Variants in TRIP12 observed in about 807,000 individuals in gnomAD.
The protein encoded by TRIP12 is thyroid hormone receptor interactor 12, also known as E3 ubiquitin-protein ligase TRIP12.
A neutral mutation model predicts 244.2 loss-of-function variants in TRIP12; 25 were observed. The ratio of observed to expected loss-of-function variants is 0.10; its 90% confidence interval spans 0.07 to 0.14. The LOEUF (loss-of-function observed/expected upper bound fraction) is 0.14. TRIP12 is among the 10% of genes least tolerant of loss of function. The pLI, the probability that TRIP12 is intolerant of heterozygous loss-of-function variation, is 1.00. For missense variants in TRIP12, 1,677 were observed against 2,486.4 expected (o/e 0.67, Z 6.92); for synonymous variants, 905 against 873.1 (o/e 1.04, Z -0.64).
chr2:229,812,248 A>C (rs551647919), intron 13 of TRIP12, among the ~76,000 whole-genome samples: 1 of 151,860 alleles, frequency 6.6e-6, no homozygotes, highest in East Asian at 2.0e-4. Context: ...CACCCGGCTA[A>C]TTTTTTATTT....
intron 1 of TRIP12, chr2:229,894,294 A>C (rs567663473): frequency 6.6e-6 from 1 of 152,308 alleles, no homozygotes; most frequent in Non-Finnish European, 1.5e-5. Flanking sequence ...TCCAAACCCA[A>C]AATACTCAAG....
chr2:229,879,901 A>G, intron 2 of TRIP12, 81 bp downstream of exon 2: 1 of 1,480,794 alleles, frequency 6.8e-7, no homozygotes. Context: ...GAACCATTCA[A>G]GTTTTGGACC....
Position 229,768,650 on chromosome 2 carries a change from C to T in TRIP12, c.5973G>A (p.Gln1991=), listed in dbSNP as rs1304875369. The T allele has an allele frequency of 6.2e-7, 1 of 1,612,624 alleles. No individual in the cohort carries two copies. Among genetic ancestry groups the T allele is most frequent in the Admixed American group, 1.7e-5 (1 of 59,426 alleles). The change falls in exon 41 of 42, where the codon CAG becomes CAA. Residue 1991 remains glutamine, a synonymous_variant. Coordinates refer to ENST00000675903, the MANE Select transcript of TRIP12 (RefSeq NM_001348323.3). ...GCAATCTTGGGCTACCAGTCACAAA[C>T]TGGAGAAATAACCTCTGCTGCTCAT... ...FDNEQQRLFL[Q]FVTGSPRLPV...
At chr2:229,779,081 C>A (rs1236753302) in intron 34 of TRIP12, 91 bp from the exon 35 acceptor site, 1 of 1,020,560 alleles carries the variant, frequency 9.8e-7, no homozygotes, top group African/African-American at 1.6e-5. Flanking sequence ...CTAACAGCAA[C>A]TGTTTACCAG....
chr2:229,778,629 AAAAAC>A lies in TRIP12; in HGVS notation c.5210-47_5210-43del, dbSNP rs2037076940. On this transcript the variant is annotated intron_variant, in intron 35 of 41. Transcript: ENST00000675903. This position sits in a 1 kb window ranked among gnomAD's most constrained non-coding sequence, Gnocchi z 4.1. The stretch of plus-strand genomic sequence containing the variant: ...GCAGCAAACTTCAGATGATGTTTCC[AAAAAC>A]AAAACAAAACCTGGTAACTAAGAAC... 6.3e-7 allele frequency: 1 copy of A among 1,583,914 alleles called. No individual in the cohort carries two copies. The highest frequency in any genetic ancestry group is 1.9e-5 in the Admixed American group (1 of 52,954).
chr2:229,769,363 A>T (rs2033236163), intron 39 of TRIP12, 38 bp from the exon 40 acceptor site: 1 of 1,598,160 alleles, frequency 6.3e-7, no homozygotes, highest in Admixed American at 1.7e-5. Flanking sequence ...ATTACTAAGG[A>T]AACATTTGTT....
At chr2:229,872,104 T>TAAAAAA (rs34496202) in intron 2 of TRIP12, among the ~76,000 whole-genome samples, 66 of 105,248 alleles carry the variant, frequency 6.3e-4, no homozygotes, top group East Asian at 1.4e-3. Context: ...ACAGATATTG[T>TAAAAAA]AAAAAAAAAA....
chr2:229,806,537 A>G (rs1388187713), intron 17 of TRIP12, among the ~76,000 whole-genome samples: 2 of 152,240 alleles, frequency 1.3e-5, no homozygotes, highest in Non-Finnish European at 2.9e-5. Flanking sequence ...AATGGAAGAC[A>G]AGACTCTCAG....
intron 17 of TRIP12, chr2:229,806,290 G>A (rs549471778): frequency 3.8e-4 from 58 of 154,060 alleles, no homozygotes; most frequent in Non-Finnish European, 7.1e-4. Context: ...AATTCTTAGC[G>A]ACCTACCAAA....
At chr2:229,768,030 G>A (rs1183382007) in intron 41 of TRIP12, among the ~76,000 whole-genome samples, 1 of 152,188 alleles carries the variant, frequency 6.6e-6, no homozygotes, top group African/African-American at 2.4e-5. Context: ...CTGGGAGGCC[G>A]AGGTGAGCCA....
chr2:229,789,742 A>G lies in TRIP12; in HGVS notation c.4564T>C (p.Ser1522Pro). The change falls in exon 31 of 42, where the codon TCA becomes CCA. Residue 1522 changes from serine to proline, a missense_variant. This residue lies in a region of TRIP12 where 265 missense variants were observed against 370.8 expected (regional missense o/e 0.71). Coordinates refer to ENST00000675903, the MANE Select transcript of TRIP12 (RefSeq NM_001348323.3). ...LWHDGVCPSV[S>P]NPLEVYLIPT... ...ATGAGGTAAACTTCTAAAGGATTTG[A>G]TACTGATGGGCACACTCCATCTAAA... is the stretch of plus-strand genomic sequence containing the variant. 1 of 1,614,048 alleles carries G rather than the reference A, an allele frequency of 6.2e-7. No individual in the cohort carries two copies. Among genetic ancestry groups the G allele is most frequent in the Non-Finnish European group, 8.5e-7 (1 of 1,179,972 alleles).
intron 2 of TRIP12, among the ~76,000 whole-genome samples, chr2:229,865,942 G>C (rs549542239): frequency 6.6e-6 from 1 of 152,286 alleles, no homozygotes; most frequent in South Asian, 2.1e-4. Flanking sequence ...AAGTAAAGCA[G>C]TATTTCTAAA....
At chr2:229,886,063 G>T (rs2065942653) in intron 1 of TRIP12, among the ~76,000 whole-genome samples, 1 of 152,088 alleles carries the variant, frequency 6.6e-6, no homozygotes, top group Admixed American at 6.6e-5. Context: ...GAAAGGAATT[G>T]AAGGGGAAAA....
Position 229,798,886 on chromosome 2 carries a change from G to A in TRIP12, c.3471C>T (p.Ile1157=), listed in dbSNP as rs914048996. 1.9e-6 allele frequency: 3 copies of A among 1,613,066 alleles called. No homozygotes were observed. In the African/African-American group the frequency reaches 4.0e-5, roughly 22 times the overall value. Residue 1157 remains isoleucine (I), a synonymous_variant, in exon 23 of 42, where the codon ATC becomes ATT. Coordinates refer to ENST00000675903, the MANE Select transcript of TRIP12 (RefSeq NM_001348323.3). The stretch of plus-strand genomic sequence containing the variant: ...TCCCCCCACTTCACCTATTATTGGA[G>A]ATGGTATCCTTTGAGGCAGCCCTGG... ...GLARAASKDT[I]SNNREKIKGW... is the part of the protein sequence containing the mutation.
chr2:229,785,696 A>G (rs1183703966), intron 34 of TRIP12, 61 bp downstream of exon 34: 3 of 1,478,940 alleles, frequency 2.0e-6, no homozygotes, highest in Non-Finnish European at 2.8e-6. Flanking sequence ...AAGAAACTCA[A>G]ATAACATTTA....
intron 2 of TRIP12, among the ~76,000 whole-genome samples, chr2:229,878,533 T>C (rs2064103533): frequency 6.6e-6 from 1 of 152,000 alleles, no homozygotes; most frequent in Non-Finnish European, 1.5e-5. Context: ...CTAAATAGTC[T>C]GACATCACCA....
rs1275446447 is a variant in TRIP12 at position 229,818,340 on chromosome 2, A to T, written c.1599+24T>A. 2.5e-6 allele frequency: 4 copies of T among 1,610,860 alleles called. No homozygotes were observed. The African/African-American group carries it at 5.3e-5, about 22-fold the overall frequency. On this transcript the variant is annotated intron_variant, in intron 9 of 41. Transcript: ENST00000675903. ...ATTTCAGAGGACAAATGAGGTAAAA[A>T]CGAGGGAAAAACATTATGCTTACCA...
At chr2:229,859,656 TATGA>T (rs2060152021) in intron 3 of TRIP12, 82 bp from the exon 4 acceptor site, 2 of 1,420,522 alleles carry the variant, frequency 1.4e-6, no homozygotes, top group Non-Finnish European at 9.5e-7. Flanking sequence ...AAAAATAAAG[TATGA>T]ATATGTTCCT....
At chr2:229,888,521 T>C (rs186808003) in intron 1 of TRIP12, among the ~76,000 whole-genome samples, 1 of 152,020 alleles carries the variant, frequency 6.6e-6, no homozygotes, top group Non-Finnish European at 1.5e-5. Flanking sequence ...ATCAGGATAG[T>C]GGTGTTGGCA....
Sources: allele counts gnomAD v4.1 joint callset (sites outside exome capture counted in the v4.1 genomes callset), GRCh38; gene constraint gnomAD v4.1.1; regional missense constraint gnomAD v4.1.1; non-coding constraint Gnocchi (gnomAD v3.1); transcripts MANE v1.5; gene names NCBI Gene and HGNC (gene_info 2026-07-23, HGNC 2026-07-21).